ACACB: variants seen among roughly 807,000 people sequenced by gnomAD.
ACACB encodes the protein acetyl-CoA carboxylase 2.
A neutral mutation model predicts 278.8 loss-of-function variants in ACACB; 209 were observed. That is an observed-to-expected ratio of 0.75 (90% confidence interval 0.67 to 0.84). The LOEUF (loss-of-function observed/expected upper bound fraction) is 0.84. ACACB is among the 40% of genes least tolerant of loss of function. ACACB has a pLI of 0.00. For synonymous variants in ACACB, 1,174 were observed against 1,285.6 expected, an observed-to-expected ratio of 0.91 and a Z score of 1.86; for missense variants, 2,850 against 3,269.0, an observed-to-expected ratio of 0.87 and a Z score of 3.13.
chr12:109,234,245 C>A (rs80117700), intron 31 of ACACB, among the ~76,000 whole-genome samples, 200 bp downstream of exon 31: 4,083 of 152,298 alleles, frequency 0.027, 80 homozygotes, highest in Non-Finnish European at 0.041. Flanking sequence ...ATTTCTCTCG[C>A]TCACGGTGTT....
intron 42 of ACACB, 58 bp from the exon 43 acceptor site, chr12:109,252,957 A>G: frequency 7.1e-7 from 1 of 1,416,508 alleles, no homozygotes; most frequent in Non-Finnish European, 9.3e-7. Context: ...TGATTTCCAA[A>G]CAGGTGGTAG....
rs556832117 is a variant in ACACB, at chr12:109,184,672, G to T, written c.1819-907G>T. 5.7e-4 allele frequency among the ~76,000 whole-genome samples: 85 copies of T among 150,436 alleles called. 5 individuals carry two copies. The South Asian group carries it at 0.017, about 31-fold the overall frequency. On this transcript the variant is annotated intron_variant, in intron 11 of 52. Coordinates refer to ENST00000338432, the MANE Select transcript of ACACB (RefSeq NM_001093.4). ...AATCTCTTTAATCTGAAAGCATTTC[G>T]TAGTCTTTTTTCATCCTTGACATTG...
At chr12:109,119,539 G>C (rs944489300) in intron 1 of ACACB, among the ~76,000 whole-genome samples, 4 of 150,872 alleles carry the variant, frequency 2.7e-5, no homozygotes, top group South Asian at 2.1e-4. Flanking sequence ...GCCGTGAACC[G>C]AGATGGTGCC....
At chr12:109,198,677 A>G (rs899730679) in intron 17 of ACACB, among the ~76,000 whole-genome samples, 30 of 152,192 alleles carry the variant, frequency 2.0e-4, no homozygotes, top group Non-Finnish European at 1.5e-5. Context: ...AGCCTGGGTG[A>G]CAGAGTAATT....
chr12:109,251,268 G>A (rs2047087355), intron 41 of ACACB, among the ~76,000 whole-genome samples: 1 of 152,140 alleles, frequency 6.6e-6, no homozygotes, highest in Non-Finnish European at 1.5e-5. Flanking sequence ...TAATTTTAGA[G>A]AGACACTTTA....
chr12:109,217,809 CA>C (rs978442500), intron 24 of ACACB, among the ~76,000 whole-genome samples: 1 of 151,872 alleles, frequency 6.6e-6, no homozygotes, highest in African/African-American at 2.4e-5. Flanking sequence ...CAAAAAACAA[CA>C]AAAAAAATCC....
chr12:109,213,392 T>C (rs897489131), intron 22 of ACACB, among the ~76,000 whole-genome samples: 6 of 152,160 alleles, frequency 3.9e-5, no homozygotes, highest in African/African-American at 1.4e-4. Context: ...TGTGAAGTGC[T>C]GACAAATAGT....
At chr12:109,210,515 A>G (rs1174575112) in intron 21 of ACACB, among the ~76,000 whole-genome samples, 1 of 148,924 alleles carries the variant, frequency 6.7e-6, no homozygotes, top group Non-Finnish European at 1.5e-5. Flanking sequence ...ATATACGCAC[A>G]TACATGTGTA....
intron 37 of ACACB, 154 bp downstream of exon 37, chr12:109,242,746 G>A (rs545016636): frequency 9.7e-6 from 8 of 827,912 alleles, no homozygotes; most frequent in Admixed American, 6.0e-5. Flanking sequence ...CCAGCACTTC[G>A]GGAGGCCGAG....
At chr12:109,188,731 A>G (rs2044760980) in intron 13 of ACACB, among the ~76,000 whole-genome samples, 1 of 152,120 alleles carries the variant, frequency 6.6e-6, no homozygotes, top group Non-Finnish European at 1.5e-5. Flanking sequence ...GAAGATCCAC[A>G]AAGTAAAATA....
At chr12:109,218,041 T>C (rs1007362343) in intron 24 of ACACB, among the ~76,000 whole-genome samples, 1 of 152,180 alleles carries the variant, frequency 6.6e-6, no homozygotes, top group Non-Finnish European at 1.5e-5. Flanking sequence ...GGCACCCAGC[T>C]CCTAAATGTA....
At chr12:109,144,750 CTTTCTTTTTT>C (rs2043199973) in intron 2 of ACACB, among the ~76,000 whole-genome samples, 2 of 86,772 alleles carry the variant, frequency 2.3e-5, no homozygotes, top group Non-Finnish European at 4.3e-5. Flanking sequence ...TTCTTTCTTT[CTTTCTTTTTT>C]TTTTTTTTTT....
intron 24 of ACACB, among the ~76,000 whole-genome samples, chr12:109,217,880 C>G (rs12296234): frequency 6.6e-6 from 1 of 152,224 alleles, no homozygotes; most frequent in Non-Finnish European, 1.5e-5. Context: ...AAGATCATGA[C>G]TAATGCAAAG....
Position 109,139,497 on chromosome 12 carries a change from C to G in ACACB, c.92C>G (p.Pro31Arg), listed in dbSNP as rs776672844. 1.2e-6 allele frequency: 2 copies of G among 1,614,134 alleles called. No homozygotes were observed. The highest frequency in any genetic ancestry group is 8.5e-7 in the Non-Finnish European group (1 of 1,180,036). Residue 31 changes from proline (P) to arginine (R), a missense_variant, in exon 2 of 53, where the codon CCG becomes CGG. Pro to Arg is a moderately radical substitution (Grantham distance 103). Coordinates refer to ENST00000338432, the MANE Select transcript of ACACB (RefSeq NM_001093.4). Reference protein sequence around the residue: ...KIWGKMTDSKPITKSKSEANL... With the variant: ...KIWGKMTDSKRITKSKSEANL... The stretch of plus-strand genomic sequence containing the variant: ...TGGGGGAAAATGACGGACTCCAAGC[C>G]GATCACCAAGAGTAAATCAGAAGCA...
At chr12:109,222,104 G>C (rs1045246525) in intron 24 of ACACB, among the ~76,000 whole-genome samples, 1 of 151,892 alleles carries the variant, frequency 6.6e-6, no homozygotes, top group Non-Finnish European at 1.5e-5. Flanking sequence ...TGTTGCCCAG[G>C]CTGGTCTCAA....
chr12:109,252,936 A>C, intron 42 of ACACB, 79 bp from the exon 43 acceptor site: 1 of 1,354,956 alleles, frequency 7.4e-7, no homozygotes, highest in Non-Finnish European at 9.8e-7. Flanking sequence ...CAGGATTGAG[A>C]AGCACTGAGA....
At chr12:109,251,945 T>C (rs1488873676) in intron 41 of ACACB, 101 bp from the exon 42 acceptor site, 5 of 838,002 alleles carry the variant, frequency 6.0e-6, no homozygotes, top group Non-Finnish European at 8.9e-6. Flanking sequence ...GGTCAAAACA[T>C]AACTTCCATT....
At chr12:109,146,654 G>A (rs545070729) in intron 2 of ACACB, among the ~76,000 whole-genome samples, 2 of 152,204 alleles carry the variant, frequency 1.3e-5, no homozygotes, top group South Asian at 4.2e-4. Flanking sequence ...TTGACGCTTT[G>A]TTGTCGCCGT....
rs191751311 is a variant in ACACB at position 109,140,036 on chromosome 12, G to C, written c.631G>C (p.Glu211Gln). The change falls in exon 2 of 53, where the codon GAG becomes CAG. Residue 211 changes from glutamate (E) to glutamine (Q), a missense_variant. By Grantham distance (29) the Glu-to-Gln change is conservative. Coordinates refer to ENST00000338432, the MANE Select transcript of ACACB (RefSeq NM_001093.4). ...GGCTTATCTGACCACAGGTGAAGCT[G>C]AGACCCGCGTCCCCACTATGAGGTA... ...LEAYLTTGEAETRVPTMRPSM... is the reference protein window; with the variant it reads ...LEAYLTTGEAQTRVPTMRPSM... 5.5e-5 allele frequency: 88 copies of C among 1,600,778 alleles called. No homozygotes were observed. The highest frequency in any genetic ancestry group is 4.9e-4 in the South Asian group (44 of 90,436).
Sources: gnomAD v4.1 joint callset for allele counts (sites outside exome capture counted in the v4.1 genomes callset) on GRCh38, gnomAD v4.1.1 for gene constraint, MANE v1.5 for transcripts, NCBI Gene and HGNC (gene_info 2026-07-23, HGNC 2026-07-21) for gene names.